The following LRRC37B variants were observed in gnomAD, a reference collection of about 807,000 sequenced individuals.
LRRC37B encodes leucine rich repeat containing 37B, also known as leucine-rich repeat-containing protein 37B.
A neutral mutation model predicts 98.3 loss-of-function variants in LRRC37B; 28 were observed. The observed-to-expected ratio is 0.28, with a 90% confidence interval of 0.21 to 0.39. The LOEUF is 0.39. LRRC37B is among the 10% of genes least tolerant of loss of function. The pLI is 1.00. For synonymous variants in LRRC37B, 364 were observed against 442.7 expected (o/e 0.82, Z 2.23); for missense variants, 938 against 1,182.7 (o/e 0.79, Z 3.03).
intron 1 of LRRC37B, among the ~76,000 whole-genome samples, chr17:32,012,621 C>G (rs1051793242): frequency 3.3e-5 from 5 of 152,042 alleles, no homozygotes; most frequent in African/African-American, 1.2e-4. Flanking sequence ...AAGGTTGAGG[C>G]AAGAGAATCA....
chr17:32,043,900 A>G (rs143521485), intron 7 of LRRC37B, among the ~76,000 whole-genome samples: 1 of 151,524 alleles, frequency 6.6e-6, no homozygotes, highest in East Asian at 1.9e-4. Context: ...TCTATAATGT[A>G]ATATTTACAG....
intron 1 of LRRC37B, among the ~76,000 whole-genome samples, chr17:32,009,075 T>G (rs1377351816): frequency 6.6e-6 from 1 of 152,158 alleles, no homozygotes. Context: ...CCGGTTGCCC[T>G]GTATCCTCCC....
chr17:32,031,100 C>CA (rs1911095318), intron 4 of LRRC37B, among the ~76,000 whole-genome samples: 1 of 151,626 alleles, frequency 6.6e-6, no homozygotes, highest in South Asian at 2.1e-4. Context: ...TTATATAGTC[C>CA]AAAATGTCGA....
intron 5 of LRRC37B, among the ~76,000 whole-genome samples, chr17:32,032,105 T>C (rs1911127381): frequency 6.6e-6 from 1 of 152,084 alleles, no homozygotes; most frequent in Non-Finnish European, 1.5e-5. Context: ...CCGTCTCTAC[T>C]AACGATACAA....
intron 11 of LRRC37B, chr17:32,052,375 A>G (rs1911783789): frequency 6.6e-6 from 1 of 152,048 alleles, no homozygotes; most frequent in South Asian, 2.1e-4. Flanking sequence ...AGATCTTGCT[A>G]TGTTGCCCAG....
chr17:32,041,353 G>C, intron 7 of LRRC37B: 1 of 754,972 alleles, frequency 1.3e-6, no homozygotes, highest in Non-Finnish European at 2.4e-6. Context: ...CAGCCAAGCT[G>C]CAAGGTGCTG....
At position 32,008,499 on chromosome 17, in the gene LRRC37B, T is replaced by C. The variant is rs1910461434; in HGVS notation, c.-191+367T>C. 3.9e-5 allele frequency among the ~76,000 whole-genome samples: 6 copies of C among 152,374 alleles called. No homozygotes were observed. The South Asian group carries it at 1.2e-3, about 32-fold the overall frequency. On this transcript the variant is annotated intron_variant, in intron 1 of 14. Transcript: ENST00000543378. ...CTCCCCTTGTTTTGGTGTGGTTTTC[T>C]GGAATGAAAGAAGCCTCTTGTTTTG...
intron 5 of LRRC37B, chr17:32,034,031 G>A (rs1040251380): frequency 2.0e-5 from 3 of 152,166 alleles, no homozygotes; most frequent in South Asian, 2.1e-4. Flanking sequence ...GCAGTGTAAC[G>A]AAGGCTGTGA....
chr17:32,033,959 G>A (rs1174659812), intron 5 of LRRC37B: 1 of 152,184 alleles, frequency 6.6e-6, no homozygotes, highest in Non-Finnish European at 1.5e-5. Context: ...ACAATAAGAT[G>A]TGGTCTCTGC....
chr17:32,053,087 A>G, intron 11 of LRRC37B, 179 bp from the exon 15 acceptor site: 2 of 612,534 alleles, frequency 3.3e-6, no homozygotes, highest in Non-Finnish European at 5.8e-6. Flanking sequence ...TCTGCAAGGT[A>G]GCAAGGATGA....
chr17:32,038,694 C>G (rs1287491117), intron 7 of LRRC37B, among the ~76,000 whole-genome samples: 18 of 152,066 alleles, frequency 1.2e-4, no homozygotes, highest in Non-Finnish European at 4.4e-5. Context: ...CCAATCTCCA[C>G]TAAAAATACA....
At position 32,022,794 on chromosome 17, in the gene LRRC37B, C is replaced by A. The variant is rs759501190; in HGVS notation, c.1729C>A (p.Pro577Thr). The A allele has an allele frequency of 1.1e-5, 17 of 1,613,834 alleles. No individual in the cohort carries two copies. The highest frequency in any genetic ancestry group is 6.7e-5 in the Admixed American group (4 of 60,006). ...GCTCCGCCAAGTGCCTGTGCCAGAG[C>A]CCGACACCTACAATGGCATCTTCAC... The change falls in exon 1 of 12, where the codon CCC (proline) becomes ACC (threonine). Residue 577 changes from proline (P) to threonine (T), a missense_variant. This residue lies in a region of LRRC37B where 328 missense variants were observed against 557.0 expected (regional missense o/e 0.59). Transcript: ENST00000327564.
At chr17:32,033,375 G>A (rs1419131675) in intron 5 of LRRC37B, among the ~76,000 whole-genome samples, 2 of 150,208 alleles carry the variant, frequency 1.3e-5, no homozygotes, top group Non-Finnish European at 3.0e-5. Context: ...AGGAGGGAGG[G>A]AGGGAAATGA....
At chr17:32,049,064 G>A (rs1389860876) in intron 9 of LRRC37B, 38 bp from the exon 13 acceptor site, 9 of 1,612,944 alleles carry the variant, frequency 5.6e-6, no homozygotes, top group South Asian at 2.2e-5. Flanking sequence ...TGTCCCCTGA[G>A]CCCAAAAGCT....
At chr17:32,007,686 C>T (rs1598198653), upstream of LRRC37B, among the ~76,000 whole-genome samples, 1 of 151,384 alleles carries the variant, frequency 6.6e-6, no homozygotes, top group African/African-American at 2.4e-5. This position sits in a 1 kb window ranked among gnomAD's most constrained non-coding sequence, Gnocchi z 4.1. Flanking sequence ...CCGCCGCCGC[C>T]GCCGCCCACG....
In LRRC37B at chr17:32,043,623, G is replaced by A. The variant is rs367602048; in HGVS notation, c.2205-2077G>A. On this transcript the variant is annotated intron_variant, in intron 7 of 11. Coordinates refer to ENST00000327564, the Ensembl canonical transcript of LRRC37B. ...CTATATAAGTAAAATGCTAGGTTATGGTTCTGGGTACATTCAATCTATATG... is the reference window on the plus strand; with the variant it reads ...CTATATAAGTAAAATGCTAGGTTATAGTTCTGGGTACATTCAATCTATATG... 4.6e-3 allele frequency among the ~76,000 whole-genome samples: 699 copies of A among 152,208 alleles called. 2 individuals carry two copies. Among genetic ancestry groups the A allele is most frequent in the Non-Finnish European group, 7.5e-3 (508 of 67,996 alleles).
upstream of LRRC37B, among the ~76,000 whole-genome samples, chr17:32,016,096 G>A (rs1910644140): frequency 6.6e-6 from 1 of 152,214 alleles, no homozygotes; most frequent in Non-Finnish European, 1.5e-5. Flanking sequence ...CATGATGAGT[G>A]CCGTTGACTA....
chr17:32,018,582 T>C (rs1910696124), upstream of LRRC37B, among the ~76,000 whole-genome samples: 1 of 152,114 alleles, frequency 6.6e-6, no homozygotes, highest in Admixed American at 6.6e-5. Flanking sequence ...GGAGAGGGGT[T>C]AGTCTCCCCC....
At chr17:32,025,804 A>G (rs1346605418) in intron 2 of LRRC37B, among the ~76,000 whole-genome samples, 1 of 152,220 alleles carries the variant, frequency 6.6e-6, no homozygotes, top group Non-Finnish European at 1.5e-5. Flanking sequence ...GTAGATATAA[A>G]ATTTTAATTG....
Sources: allele counts gnomAD v4.1 joint callset (sites outside exome capture counted in the v4.1 genomes callset), GRCh38; gene constraint gnomAD v4.1.1; regional missense constraint gnomAD v4.1.1; non-coding constraint Gnocchi (gnomAD v3.1); transcripts MANE v1.5; gene names NCBI Gene and HGNC (gene_info 2026-07-23, HGNC 2026-07-21).